Variants in BRINP3 observed in about 807,000 individuals in gnomAD.
BRINP3 encodes BMP/retinoic acid-inducible neural-specific protein 3.
In BRINP3, 19 loss-of-function variants were observed where a neutral mutation model predicts 71.0. That is an observed-to-expected ratio of 0.27 (90% CI 0.19 to 0.39). The LOEUF (loss-of-function observed/expected upper bound fraction) is 0.39, where lower values mean the gene tolerates loss of function less well. Ranked by LOEUF, BRINP3 falls within the 10% of genes least tolerant of loss-of-function variation. The pLI, the probability that BRINP3 is intolerant of heterozygous loss-of-function variation, is 1.00. For synonymous variants in BRINP3, 380 were observed against 337.7 expected (o/e 1.13, Z -1.37); for missense variants, 959 against 940.8 (o/e 1.02, Z -0.25).
At chr1:190,458,664 C>A (rs925202210) in intron 1 of BRINP3, among the ~76,000 whole-genome samples, 1 of 151,794 alleles carries the variant, frequency 6.6e-6, no homozygotes, top group East Asian at 1.9e-4. Flanking sequence ...TTGTTTGTTA[C>A]GATGTAGTGT....
chr1:190,296,558 A>G (rs1466432179), intron 2 of BRINP3, among the ~76,000 whole-genome samples: 2 of 152,128 alleles, frequency 1.3e-5, no homozygotes, highest in African/African-American at 4.8e-5. Context: ...TAGTACTGGA[A>G]ATTCTAGCCA....
At chr1:190,101,724 G>A (rs1226549744) in intron 7 of BRINP3, among the ~76,000 whole-genome samples, 1 of 151,934 alleles carries the variant, frequency 6.6e-6, no homozygotes, top group Non-Finnish European at 1.5e-5. Flanking sequence ...TTAATTCCTT[G>A]AGCCAACTCA....
chr1:190,450,399 T>A (rs1675528497), intron 2 of BRINP3, among the ~76,000 whole-genome samples: 2 of 152,204 alleles, frequency 1.3e-5, no homozygotes, highest in Admixed American at 6.5e-5. Context: ...AGGTTACATA[T>A]TAACCATAAT....
At position 190,300,566 on chromosome 1, in the gene BRINP3, G is replaced by A. The variant is rs575108519; in HGVS notation, c.237-18816C>T. On this transcript the variant is annotated intron_variant, in intron 2 of 7. Coordinates refer to ENST00000367462, the MANE Select transcript of BRINP3 (RefSeq NM_199051.3). ...AAGAGAGCAGTGGTTCTCCCAGCAC[G>A]CAGCTGGAGATCTGAGAACGGGCAG... is the stretch of plus-strand genomic sequence containing the variant. 7.2e-3 allele frequency among the ~76,000 whole-genome samples: 1,089 copies of A among 152,190 alleles called. 18 individuals are homozygous for A. Among genetic ancestry groups the A allele is most frequent in the African/African-American group, 0.025 (1,017 of 41,510 alleles).
rs1652324419 is a variant in BRINP3 at position 190,174,546 on chromosome 1, A to C, written c.962-13656T>G. ...GTATAAACGGCAAAACTCGAAGTTT[A>C]CATATTTTGTTTAGAATGTAATAAT... On this transcript the variant is annotated intron_variant, in intron 6 of 7. Coordinates refer to ENST00000367462, the MANE Select transcript of BRINP3 (RefSeq NM_199051.3). Among the ~76,000 whole-genome samples, 7 of 152,136 alleles carry C rather than the reference A, an allele frequency of 4.6e-5. No homozygotes were observed. The South Asian group carries it at 1.4e-3, about 31-fold the overall frequency.
chr1:190,146,568 C>T (rs1655906840), intron 7 of BRINP3, among the ~76,000 whole-genome samples: 1 of 152,054 alleles, frequency 6.6e-6, no homozygotes, highest in Non-Finnish European at 1.5e-5. Flanking sequence ...AATGCTGAGA[C>T]TTTACACATA....
intron 7 of BRINP3, among the ~76,000 whole-genome samples, chr1:190,128,532 C>A (rs1654271275): frequency 6.6e-6 from 1 of 151,738 alleles, no homozygotes; most frequent in Non-Finnish European, 1.5e-5. Context: ...ACTGGTTTCA[C>A]AGAACTTAAA....
chr1:190,384,843 T>C (rs1160872863), intron 2 of BRINP3, among the ~76,000 whole-genome samples: 1 of 151,786 alleles, frequency 6.6e-6, no homozygotes, highest in African/African-American at 2.4e-5. Flanking sequence ...CTCAGATTTA[T>C]CATATAAGAA....
chr1:190,145,524 C>T (rs1158422221), intron 7 of BRINP3, among the ~76,000 whole-genome samples: 1 of 152,042 alleles, frequency 6.6e-6, no homozygotes, highest in African/African-American at 2.4e-5. Context: ...TTCTTAATTT[C>T]CAATCAGGGA....
At chr1:190,411,408 A>T (rs1202009350) in intron 2 of BRINP3, among the ~76,000 whole-genome samples, 2 of 152,182 alleles carry the variant, frequency 1.3e-5, no homozygotes, top group African/African-American at 2.4e-5. Context: ...AAGACAAGGA[A>T]AAAGCAATAC....
In BRINP3 at chr1:190,276,600, T is replaced by C. The variant is rs368922653; in HGVS notation, c.427+4960A>G. On this transcript the variant is annotated intron_variant, in intron 3 of 7. Transcript: ENST00000367462. ...ACAATATTTTGTAAAACTTTTTAGA[T>C]AAGTGAACTACATTGGAGGCATAGT... Among the ~76,000 whole-genome samples, 17 of 150,870 alleles carry C rather than the reference T, an allele frequency of 1.1e-4. No individual in the cohort carries two copies. In the South Asian group the frequency reaches 3.6e-3, roughly 32 times the overall value.
At chr1:190,425,299 T>C (rs1028922586) in intron 2 of BRINP3, among the ~76,000 whole-genome samples, 2 of 151,760 alleles carry the variant, frequency 1.3e-5, no homozygotes, top group East Asian at 1.9e-4. Flanking sequence ...TCTATACTTG[T>C]ACATTGAAAT....
At chr1:190,394,945 AAG>A (rs1363989075) in intron 2 of BRINP3, among the ~76,000 whole-genome samples, 2 of 151,802 alleles carry the variant, frequency 1.3e-5, no homozygotes, top group East Asian at 3.9e-4. Context: ...TTATAGTGTG[AAG>A]AGAATGTCAT....
intron 7 of BRINP3, among the ~76,000 whole-genome samples, chr1:190,117,006 C>A (rs1373866318): frequency 6.6e-6 from 1 of 152,032 alleles, no homozygotes; most frequent in Non-Finnish European, 1.5e-5. Flanking sequence ...GGAGTAATTG[C>A]TGCTACTTTT....
chr1:190,263,986 A>G (rs999322396), intron 4 of BRINP3, among the ~76,000 whole-genome samples: 2 of 152,168 alleles, frequency 1.3e-5, no homozygotes, highest in African/African-American at 2.4e-5. Flanking sequence ...TGTATTGACT[A>G]TGAAAGGTTA....
intron 2 of BRINP3, among the ~76,000 whole-genome samples, chr1:190,305,806 G>GA (rs1279759736): frequency 6.6e-6 from 1 of 151,590 alleles, no homozygotes; most frequent in African/African-American, 2.4e-5. Flanking sequence ...AACCTCATTA[G>GA]AAAAAAATGA....
chr1:190,185,890 C>T (rs1213704453), intron 6 of BRINP3, among the ~76,000 whole-genome samples: 1 of 151,968 alleles, frequency 6.6e-6, no homozygotes, highest in East Asian at 1.9e-4. Flanking sequence ...TCAATATCAT[C>T]CTTCTAGCTA....
At chr1:190,413,271 C>T (rs1266687393) in intron 2 of BRINP3, among the ~76,000 whole-genome samples, 1 of 151,972 alleles carries the variant, frequency 6.6e-6, no homozygotes, top group Non-Finnish European at 1.5e-5. Context: ...AAAGAACTAT[C>T]CTAGGGGACT....
At chr1:190,270,827 G>GGAAAAT (rs1662045677) in intron 3 of BRINP3, among the ~76,000 whole-genome samples, 1 of 151,468 alleles carries the variant, frequency 6.6e-6, no homozygotes, top group Non-Finnish European at 1.5e-5. Context: ...GATTACACTT[G>GGAAAAT]GAAAATGCAT....
Sources: gnomAD v4.1 joint callset for allele counts (sites outside exome capture counted in the v4.1 genomes callset) on GRCh38, gnomAD v4.1.1 for gene constraint, MANE v1.5 for transcripts, NCBI Gene and HGNC (gene_info 2026-07-23, HGNC 2026-07-21) for gene names.